EDA: variants seen among roughly 807,000 people sequenced by gnomAD.
EDA encodes the protein ectodysplasin-A.
EDA carries 2 observed loss-of-function variants against 23.6 expected under a neutral mutation model. The ratio of observed to expected loss-of-function variants is 0.08; its 90% CI spans 0.03 to 0.27. The LOEUF is 0.27. Among genes scored for constraint, EDA ranks in the 10% least tolerant of loss-of-function variants. The probability of loss-of-function intolerance (pLI) is 1.00; values close to 1 mark genes in which losing one functional copy is unlikely to be tolerated. For missense variants in EDA, 229 were observed against 324.2 expected, an observed-to-expected ratio of 0.71 and a Z score of 2.26; for synonymous variants, 131 against 132.0, an observed-to-expected ratio of 0.99 and a Z score of 0.05.
At chrX:69,978,318 TAAAAA>T (rs144187734) in intron 2 of EDA, among the ~76,000 whole-genome samples, 1 of 20,418 alleles carries the variant, frequency 4.9e-5, no homozygotes, top group Non-Finnish European at 1.5e-4. Flanking sequence ...ACTCCATCTC[TAAAAA>T]AAAAAAAAAA....
chrX:69,829,787 A>G (rs1467378187), intron 1 of EDA, among the ~76,000 whole-genome samples: 3 of 111,932 alleles, frequency 2.7e-5, no homozygotes, highest in Non-Finnish European at 3.8e-5. Flanking sequence ...CTCACTAGTC[A>G]TGTTTCTTTT....
intron 1 of EDA, among the ~76,000 whole-genome samples, chrX:69,767,093 C>T (rs1015364854): frequency 9.0e-6 from 1 of 111,373 alleles, no homozygotes; most frequent in Non-Finnish European, 1.9e-5. Context: ...TTTCCTAGTC[C>T]TTTGGCTAGA....
At chrX:69,818,732 A>T (rs1032530244) in intron 1 of EDA, among the ~76,000 whole-genome samples, 7 of 111,573 alleles carry the variant, frequency 6.3e-5, no homozygotes, top group Admixed American at 1.9e-4. Context: ...TAAATAGCCT[A>T]CCAACCAAAA....
chrX:70,008,395 A>G (rs2019830426), intron 2 of EDA, among the ~76,000 whole-genome samples: 2 of 112,311 alleles, frequency 1.8e-5, no homozygotes, highest in Non-Finnish European at 3.8e-5. Flanking sequence ...TTTTGGATCT[A>G]TTGACATGAT....
intron 1 of EDA, among the ~76,000 whole-genome samples, chrX:69,735,830 A>G (rs1263120248): frequency 1.8e-5 from 2 of 111,499 alleles, no homozygotes; most frequent in African/African-American, 6.5e-5. Flanking sequence ...AAGCTGCTGG[A>G]AAAAACAGAA....
At chrX:69,897,837 CA>C (rs2018041085) in intron 1 of EDA, among the ~76,000 whole-genome samples, 1 of 111,727 alleles carries the variant, frequency 9.0e-6, no homozygotes, top group Admixed American at 9.6e-5. Flanking sequence ...TTATTCAGTA[CA>C]GACAGAAACA....
intron 1 of EDA, among the ~76,000 whole-genome samples, chrX:69,832,789 C>T (rs1234046418): frequency 9.0e-6 from 1 of 111,211 alleles, no homozygotes; most frequent in Non-Finnish European, 1.9e-5. Flanking sequence ...GTATTTTATT[C>T]TCTTGGAAGC....
At chrX:69,813,377 AT>A (rs1226641354) in intron 1 of EDA, among the ~76,000 whole-genome samples, 2 of 110,553 alleles carry the variant, frequency 1.8e-5, no homozygotes, top group Non-Finnish European at 1.9e-5. Context: ...ACCAGCTTCT[AT>A]TTTTTTCAAG....
chrX:70,013,365 G>A (rs1361003743), intron 2 of EDA, among the ~76,000 whole-genome samples: 1 of 110,797 alleles, frequency 9.0e-6, no homozygotes, highest in Non-Finnish European at 1.9e-5. Flanking sequence ...TCACCAGATA[G>A]GGCCCCCAAC....
intron 1 of EDA, among the ~76,000 whole-genome samples, chrX:69,739,428 A>T (rs1012521386): frequency 3.6e-5 from 4 of 110,538 alleles, no homozygotes; most frequent in Non-Finnish European, 5.7e-5. Flanking sequence ...TTATTTTTTT[A>T]AAAAAAGTCT....
At chrX:69,683,320 A>G (rs758178360) in intron 1 of EDA, among the ~76,000 whole-genome samples, 1 of 111,308 alleles carries the variant, frequency 9.0e-6, no homozygotes, top group South Asian at 3.8e-4. Flanking sequence ...AGTGCCTGGC[A>G]TATAATAATA....
intron 1 of EDA, among the ~76,000 whole-genome samples, chrX:69,929,706 T>TTGTGTGTGTG (rs4007701): frequency 1.2e-4 from 10 of 84,342 alleles, no homozygotes; most frequent in East Asian, 3.9e-4. Flanking sequence ...CATTCTATTT[T>TTGTGTGTGTG]TGTGTGTGTG....
rs749108801 is a variant in EDA, at chrX:69,660,319, TA to T, written c.396+43616del. ...GAATTGCTAGGTCATTAATCCCTAG[TA>T]TTTTTTTTAATTTTAAAAAATTTAT... On this transcript the variant is annotated intron_variant, in intron 1 of 7. Transcript: ENST00000374552. 4.0e-3 allele frequency among the ~76,000 whole-genome samples: 451 copies of T among 111,369 alleles called. 1 individual carries two copies. The highest frequency in any genetic ancestry group is 0.014 in the African/African-American group (427 of 30,615).
intron 1 of EDA, among the ~76,000 whole-genome samples, chrX:69,943,704 G>A (rs1291289110): frequency 4.6e-5 from 5 of 109,548 alleles, no homozygotes; most frequent in Non-Finnish European, 1.9e-5. Context: ...GAAGGCCCAA[G>A]GGCTCTACAA....
At chrX:69,640,148 A>G (rs1288963766) in intron 1 of EDA, among the ~76,000 whole-genome samples, 1 of 111,481 alleles carries the variant, frequency 9.0e-6, no homozygotes, top group East Asian at 2.8e-4. Flanking sequence ...GTGGGTGACA[A>G]TCTGTGGGTT....
At chrX:69,782,781 A>T (rs896173439) in intron 1 of EDA, among the ~76,000 whole-genome samples, 1 of 112,047 alleles carries the variant, frequency 8.9e-6, no homozygotes, top group African/African-American at 3.2e-5. Flanking sequence ...GAATAACTTG[A>T]CAAAGTATCT....
At position 69,684,251 on chromosome X, in the gene EDA, G is replaced by A. The variant is rs145980609; in HGVS notation, c.396+67547G>A. 4.8e-3 allele frequency among the ~76,000 whole-genome samples: 542 copies of A among 111,814 alleles called. 2 individuals are homozygous for A. Among genetic ancestry groups the A allele is most frequent in the African/African-American group, 0.016 (506 of 30,815 alleles). ...AAATGTTAACAAGGCTCATCGAATAGTAGGAGGGAGAGACAGCTGACTCTA... is the reference window on the plus strand; with the variant it reads ...AAATGTTAACAAGGCTCATCGAATAATAGGAGGGAGAGACAGCTGACTCTA... On this transcript the variant is annotated intron_variant, in intron 1 of 7. Transcript: ENST00000374552.
In EDA at chrX:69,987,298, AAATTT is replaced by A. The variant is rs1224358944; in HGVS notation, c.502+30167_502+30171del. On this transcript the variant is annotated intron_variant, in intron 2 of 7. Coordinates refer to ENST00000374552, the MANE Select transcript of EDA (RefSeq NM_001399.5). ...ATAAAAAAAAAAAAATTAAAAAAAA[AAATTT>A]TTTTTTTTAAAAATAAATAAATAAA... 1.1e-4 allele frequency among the ~76,000 whole-genome samples: 11 copies of A among 104,651 alleles called. No homozygotes were observed. The East Asian group carries it at 3.2e-3, about 30-fold the overall frequency. 90.9% of individuals were successfully genotyped at this position (104,651 alleles called of 115,157 possible).
intron 1 of EDA, among the ~76,000 whole-genome samples, chrX:69,955,316 C>A (rs1049613521): frequency 1.8e-5 from 2 of 111,817 alleles, no homozygotes; most frequent in African/African-American, 6.5e-5. Context: ...GATATTCAAC[C>A]ATTTTTGACA....
Sources: gnomAD v4.1 joint callset for allele counts (sites outside exome capture counted in the v4.1 genomes callset) on GRCh38, gnomAD v4.1.1 for gene constraint, MANE v1.5 for transcripts, NCBI Gene and HGNC (gene_info 2026-07-23, HGNC 2026-07-21) for gene names.